Variants in PCDHGA2 observed in about 807,000 individuals in gnomAD.
The protein encoded by PCDHGA2 is protocadherin gamma subfamily A, 2, also known as protocadherin gamma-A2.
Under a neutral mutation model 59.2 loss-of-function variants are expected in PCDHGA2, and 40 were observed. That is an observed-to-expected ratio of 0.68 (90% CI 0.52 to 0.88). PCDHGA2 has a LOEUF of 0.88. Among genes scored for constraint, PCDHGA2 ranks in the 40% least tolerant of loss-of-function variants. The pLI is 0.00. For missense variants in PCDHGA2, 1,226 were observed against 1,204.0 expected (o/e 1.02, Z -0.27); for synonymous variants, 560 against 526.0 (o/e 1.06, Z -0.89).
rs982627903 is a variant in PCDHGA2, at chr5:141,421,421, T to C, written c.2425-73386T>C. ...CCCCGGGAGCTGGCGAAGCGCGGAGTCCGCATCGTCTCCAGAGGGAAGACA... is the reference window on the plus strand; with the variant it reads ...CCCCGGGAGCTGGCGAAGCGCGGAGCCCGCATCGTCTCCAGAGGGAAGACA... On this transcript the variant is annotated intron_variant, in intron 1 of 3. Coordinates refer to ENST00000394576, the MANE Select transcript of PCDHGA2 (RefSeq NM_018915.4). The C allele has an allele frequency of 6.2e-7, 1 of 1,613,994 alleles. No individual in the cohort carries two copies. The highest frequency in any genetic ancestry group is 1.3e-5 in the African/African-American group (1 of 75,052).
intron 1 of PCDHGA2, chr5:141,400,090 A>G: frequency 6.2e-7 from 1 of 1,614,064 alleles, no homozygotes; most frequent in Non-Finnish European, 8.5e-7. Context: ...CGCCACCGCC[A>G]CGCTGCACTT....
intron 1 of PCDHGA2, among the ~76,000 whole-genome samples, chr5:141,468,273 C>T (rs894110332): frequency 1.4e-5 from 2 of 144,550 alleles, no homozygotes; most frequent in Non-Finnish European, 3.0e-5. Flanking sequence ...TGTGGTGAGC[C>T]GAGACCACGC....
intron 1 of PCDHGA2, chr5:141,384,422 A>C: frequency 6.2e-7 from 1 of 1,613,924 alleles, no homozygotes; most frequent in Non-Finnish European, 8.5e-7. Flanking sequence ...GTCTCCATAA[A>C]CTCTGACACT....
Position 141,505,409 on chromosome 5 carries a change from G to T in PCDHGA2, c.2500G>T (p.Asp834Tyr). The change falls in exon 3 of 4, where the codon GAC (aspartate) becomes TAC (tyrosine). Residue 834 changes from aspartate to tyrosine, a missense_variant. Asp to Tyr is a radical substitution (Grantham distance 160). Transcript: ENST00000394576. ...PGTSGSQNGD[D>Y]TGTWPNNQFD... Reference sequence around the variant, plus strand: ...TCTCCCCAGCTCCCAAAATGGCGATGACACCGGCACCTGGCCCAACAACCA... The same window carrying T: ...TCTCCCCAGCTCCCAAAATGGCGATTACACCGGCACCTGGCCCAACAACCA... 6.2e-7 allele frequency: 1 copy of T among 1,614,200 alleles called. No individual in the cohort carries two copies. Among genetic ancestry groups the T allele is most frequent in the Non-Finnish European group, 8.5e-7 (1 of 1,180,048 alleles).
intron 1 of PCDHGA2, chr5:141,344,563 ACTT>A (rs1268402490): frequency 4.3e-6 from 7 of 1,614,014 alleles, no homozygotes; most frequent in Non-Finnish European, 5.9e-6. Flanking sequence ...CCCAATGACT[ACTT>A]CTCTCTGGCT....
rs750014647 is a variant in PCDHGA2, at chr5:141,426,649, T to C, written c.2425-68158T>C. 53 of 418,716 alleles carry C rather than the reference T, an allele frequency of 1.3e-4. 1 individual carries two copies. Among genetic ancestry groups the C allele is most frequent in the South Asian group, 6.9e-4 (42 of 60,762 alleles). The allele number at this position is 418,716 out of a possible 1,614,324, so 25.9% of individuals were successfully genotyped here. On this transcript the variant is annotated intron_variant, in intron 1 of 3. Coordinates refer to ENST00000394576, the MANE Select transcript of PCDHGA2 (RefSeq NM_018915.4). Reference sequence around the variant, plus strand: ...AATGTTTTTCACATAAATGTGATGATAGAAGATATAAATGATAACCCACCT... The same window carrying C: ...AATGTTTTTCACATAAATGTGATGACAGAAGATATAAATGATAACCCACCT...
chr5:141,400,858 G>A (rs1332975731), intron 1 of PCDHGA2, among the ~76,000 whole-genome samples: 1 of 152,108 alleles, frequency 6.6e-6, no homozygotes, highest in Non-Finnish European at 1.5e-5. Context: ...TTTATTGTAT[G>A]TAGATAAACC....
At chr5:141,370,981 T>G in intron 1 of PCDHGA2, 1 of 1,613,994 alleles carries the variant, frequency 6.2e-7, no homozygotes, top group Non-Finnish European at 8.5e-7. Context: ...GAGCTAGTAC[T>G]GAAAGCACCC....
Position 141,355,906 on chromosome 5 carries a change from A to G in PCDHGA2, c.2424+14511A>G. ...GATTCTCATAATACTTGTGGATACC[A>G]ACGATAATGCTCCCGTGTTCACTCA... On this transcript the variant is annotated intron_variant, in intron 1 of 3. Coordinates refer to ENST00000394576, the MANE Select transcript of PCDHGA2 (RefSeq NM_018915.4). The G allele has an allele frequency of 4.3e-6, 7 of 1,613,782 alleles. No individual in the cohort carries two copies. The highest frequency in any genetic ancestry group is 5.9e-6 in the Non-Finnish European group (7 of 1,179,850).
At chr5:141,356,877 C>T in intron 1 of PCDHGA2, 1 of 1,614,196 alleles carries the variant, frequency 6.2e-7, no homozygotes, top group Admixed American at 1.7e-5. Context: ...ACGACAATGT[C>T]CCTGAGATCC....
chr5:141,345,428 C>G, intron 1 of PCDHGA2: 1 of 1,614,082 alleles, frequency 6.2e-7, no homozygotes, highest in Non-Finnish European at 8.5e-7. Context: ...CAGAAAACAA[C>G]CCCAGAGGAG....
intron 1 of PCDHGA2, chr5:141,393,668 T>C (rs1048580916): frequency 6.2e-7 from 1 of 1,613,872 alleles, no homozygotes. Context: ...GGAAAATTAA[T>C]GAAAAACAAA....
intron 1 of PCDHGA2, chr5:141,405,358 A>G (rs567878422): frequency 6.2e-7 from 1 of 1,613,900 alleles, no homozygotes; most frequent in East Asian, 2.2e-5. Context: ...TTCCTATAGA[A>G]GACACCCCTT....
At position 141,486,927 on chromosome 5, in the gene PCDHGA2, G is replaced by T. The variant is rs2099637231; in HGVS notation, c.2425-7880G>T. On this transcript the variant is annotated intron_variant, in intron 1 of 3. Transcript: ENST00000394576. The surrounding 1 kb of genome is among the most constrained non-coding windows in gnomAD (Gnocchi z 5.0). ...CCCCAAGCACTGCCTCCATCAGTTG[G>T]TGCTGGCCACCTAATCACAAAGGTG... 1 of 1,614,108 alleles carries T rather than the reference G, an allele frequency of 6.2e-7. No homozygotes were observed. Among genetic ancestry groups the T allele is most frequent in the Non-Finnish European group, 8.5e-7 (1 of 1,180,054 alleles).
chr5:141,410,544 G>T, intron 1 of PCDHGA2: 1 of 1,613,640 alleles, frequency 6.2e-7, no homozygotes, highest in Non-Finnish European at 8.5e-7. Flanking sequence ...GACATGGTTT[G>T]CAGTGTTTCT....
Position 141,490,311 on chromosome 5 carries a change from C to T in PCDHGA2, c.2425-4496C>T. 6.2e-7 allele frequency: 1 copy of T among 1,614,200 alleles called. No individual in the cohort carries two copies. The highest frequency in any genetic ancestry group is 8.5e-7 in the Non-Finnish European group (1 of 1,180,018). On this transcript the variant is annotated intron_variant, in intron 1 of 3. Coordinates refer to ENST00000394576, the MANE Select transcript of PCDHGA2 (RefSeq NM_018915.4). This position sits in a 1 kb window ranked among gnomAD's most constrained non-coding sequence, Gnocchi z 5.4. ...AGGTGCTATTGGCCTCTTTGGCCAA[C>T]CCTGTCCTAGAGAGCACACCAGTGG...
At chr5:141,352,462 G>T (rs757771594) in intron 1 of PCDHGA2, 2 of 1,613,998 alleles carry the variant, frequency 1.2e-6, no homozygotes, top group East Asian at 2.2e-5. Context: ...CTGGGCCCGG[G>T]GTTCCTCCCA....
At chr5:141,400,234 G>A (rs749957043) in intron 1 of PCDHGA2, 11 of 1,613,984 alleles carry the variant, frequency 6.8e-6, no homozygotes, top group East Asian at 6.7e-5. Flanking sequence ...CCTCCTGGCC[G>A]TGATTCTGGC....
In PCDHGA2 at chr5:141,511,532, T is replaced by G. The variant is rs548369303; in HGVS notation, c.*359T>G. Reference sequence around the variant, plus strand: ...GCCCATCCATCCCATGCCTCCCTCCTCCCCACCCCACTCCAACAGTTCCTC... The same window carrying G: ...GCCCATCCATCCCATGCCTCCCTCCGCCCCACCCCACTCCAACAGTTCCTC... On this transcript the variant is annotated 3_prime_UTR_variant, in exon 4 of 4. Transcript: ENST00000394576. 3.6e-5 allele frequency: 12 copies of G among 335,506 alleles called. No homozygotes were observed. In the East Asian group the frequency reaches 8.0e-4, roughly 22 times the overall value. The allele number at this position is 335,506 out of a possible 1,614,324, so 20.8% of individuals were successfully genotyped here. A position where few individuals can be genotyped will look rare whatever the true frequency, so the allele number is the denominator to read the frequency against.
Sources: allele counts gnomAD v4.1 joint callset (sites outside exome capture counted in the v4.1 genomes callset), GRCh38; gene constraint gnomAD v4.1.1; non-coding constraint Gnocchi (gnomAD v3.1); transcripts MANE v1.5; gene names NCBI Gene and HGNC (gene_info 2026-07-23, HGNC 2026-07-21).